SNTG1: variants seen among roughly 807,000 people sequenced by gnomAD.
The protein encoded by SNTG1 is syntrophin gamma 1, also known as gamma-1-syntrophin.
Under a neutral mutation model 74.7 loss-of-function variants are expected in SNTG1, and 39 were observed. The observed-to-expected ratio is 0.52, with a 90% CI of 0.40 to 0.68. SNTG1 has a LOEUF of 0.68. SNTG1 is among the 30% of genes least tolerant of loss of function. The pLI, the probability that SNTG1 is intolerant of heterozygous loss-of-function variation, is 0.00. For synonymous variants in SNTG1, 254 were observed against 217.1 expected (o/e 1.17, Z -1.49); for missense variants, 685 against 609.5 (o/e 1.12, Z -1.30).
At chr8:50,167,218 C>T (rs932183660) in intron 1 of SNTG1, among the ~76,000 whole-genome samples, 4 of 141,374 alleles carry the variant, frequency 2.8e-5, no homozygotes, top group Non-Finnish European at 6.0e-5. Context: ...CACATGTATA[C>T]ATATGTAACT....
In SNTG1 at chr8:50,227,103, G is replaced by A. The variant is rs1055262632; in HGVS notation, c.-28+54468G>A. 3.9e-5 allele frequency among the ~76,000 whole-genome samples: 6 copies of A among 152,128 alleles called. No individual in the cohort carries two copies. In the East Asian group the frequency reaches 5.8e-4, roughly 15 times the overall value. ...ATTTTTTTTGTACTTACCAATAACC[G>A]AAGCTGCCAGTTTTATCATCAATAT... On this transcript the variant is annotated intron_variant, in intron 2 of 18. Transcript: ENST00000642720.
chr8:50,126,511 A>C (rs2081143899), intron 1 of SNTG1, among the ~76,000 whole-genome samples: 1 of 152,116 alleles, frequency 6.6e-6, no homozygotes, highest in East Asian at 1.9e-4. Flanking sequence ...GATGAAAAAA[A>C]GATATGCATA....
Position 50,421,157 on chromosome 8 carries a change from A to T in SNTG1, c.163-17386A>T, listed in dbSNP as rs191069405. ...TGTTACCAGAAAAGGGTACCAATCC[A>T]TACCCCAAGAGAGGGCTCTTAGATC... On this transcript the variant is annotated intron_variant, in intron 4 of 18. Coordinates refer to ENST00000642720, the MANE Select transcript of SNTG1 (RefSeq NM_018967.5). Among the ~76,000 whole-genome samples the T allele has an allele frequency of 1.7e-3, 255 of 151,702 alleles. 2 individuals carry two copies. The highest frequency in any genetic ancestry group is 1.9e-3 in the Non-Finnish European group (130 of 67,906).
intron 1 of SNTG1, among the ~76,000 whole-genome samples, chr8:50,134,164 C>G (rs2081399901): frequency 6.6e-6 from 1 of 152,120 alleles, no homozygotes. Context: ...GGGTTAATAT[C>G]AGTGTTGCTG....
intron 18 of SNTG1, among the ~76,000 whole-genome samples, chr8:50,758,837 C>G (rs549315541): frequency 5.3e-5 from 8 of 152,060 alleles, no homozygotes; most frequent in Non-Finnish European, 8.8e-5. Context: ...GGTATATACT[C>G]AATAATGGGA....
chr8:50,513,332 G>A lies in SNTG1; in HGVS notation c.466+10452G>A, dbSNP rs1368717539. Among the ~76,000 whole-genome samples, 4 of 152,198 alleles carry A rather than the reference G, an allele frequency of 2.6e-5. No individual in the cohort carries two copies. The East Asian group carries it at 7.7e-4, about 29-fold the overall frequency. ...GAGGTGTCAGTCTGCCCCTACTGGG[G>A]GGTGCCTCTCAGTTAGGCTACTCGG... On this transcript the variant is annotated intron_variant, in intron 9 of 18. Transcript: ENST00000642720.
At chr8:50,340,709 A>G (rs1402521640) in intron 2 of SNTG1, among the ~76,000 whole-genome samples, 1 of 151,934 alleles carries the variant, frequency 6.6e-6, no homozygotes, top group African/African-American at 2.4e-5. Context: ...TCTATGAAAG[A>G]AAGAAGAAAA....
At chr8:50,372,525 A>C (rs2092292918) in intron 2 of SNTG1, among the ~76,000 whole-genome samples, 1 of 152,118 alleles carries the variant, frequency 6.6e-6, no homozygotes. Context: ...AAAATGGGCA[A>C]ATATGCATTT....
At chr8:50,698,479 G>A (rs530059798) in intron 15 of SNTG1, among the ~76,000 whole-genome samples, 9 of 152,094 alleles carry the variant, frequency 5.9e-5, no homozygotes, top group Non-Finnish European at 1.2e-4. Flanking sequence ...ACTGGTGGGG[G>A]AAGGGGGTGA....
intron 15 of SNTG1, among the ~76,000 whole-genome samples, chr8:50,671,430 GAC>G (rs2095281946): frequency 6.7e-6 from 1 of 150,108 alleles, no homozygotes; most frequent in Non-Finnish European, 1.5e-5. Flanking sequence ...GCAGCCAAAA[GAC>G]ACATAAAAAA....
At chr8:49,916,403 G>C (rs149132542) in intron 1 of SNTG1, among the ~76,000 whole-genome samples, 2,093 of 152,062 alleles carry the variant, frequency 0.014, 51 homozygotes, top group African/African-American at 0.046. Context: ...TCTTCAATTT[G>C]TCAGCAAAGA....
At chr8:50,092,463 CG>C (rs771017929) in intron 1 of SNTG1, among the ~76,000 whole-genome samples, 6 of 152,068 alleles carry the variant, frequency 3.9e-5, no homozygotes, top group Non-Finnish European at 4.4e-5. Flanking sequence ...CCTGACTGAC[CG>C]GCAGGAATGA....
chr8:50,304,960 T>G (rs2089819183), intron 2 of SNTG1, among the ~76,000 whole-genome samples: 1 of 152,096 alleles, frequency 6.6e-6, no homozygotes, highest in African/African-American at 2.4e-5. Context: ...TGGAGTGCAA[T>G]GGCATGATCT....
chr8:50,152,398 C>A (rs954503932), intron 1 of SNTG1, among the ~76,000 whole-genome samples: 1 of 152,094 alleles, frequency 6.6e-6, no homozygotes, highest in African/African-American at 2.4e-5. Context: ...TAGCATTTAG[C>A]CCATTTACAT....
At chr8:50,426,254 G>A (rs2093161987) in intron 4 of SNTG1, among the ~76,000 whole-genome samples, 1 of 152,066 alleles carries the variant, frequency 6.6e-6, no homozygotes, top group African/African-American at 2.4e-5. Context: ...TCTTGTCTGT[G>A]ACACTGTATA....
chr8:50,692,654 A>C (rs2095386601), intron 15 of SNTG1, among the ~76,000 whole-genome samples: 1 of 152,166 alleles, frequency 6.6e-6, no homozygotes, highest in Non-Finnish European at 1.5e-5. Flanking sequence ...GTATCGGTCC[A>C]ACCCTACTGG....
chr8:50,550,556 C>T (rs978968442), intron 11 of SNTG1, among the ~76,000 whole-genome samples: 5 of 152,134 alleles, frequency 3.3e-5, no homozygotes, highest in African/African-American at 1.2e-4. Context: ...GATTGAGCAA[C>T]ATTTAAAAAT....
Position 50,163,130 on chromosome 8 carries a change from G to A in SNTG1, c.-102-9431G>A, listed in dbSNP as rs570965355. ...GAGAGGCCTCTCCCTTCACCCTCCA[G>A]GGAGGCCCTTTCTGGTCTCTCTGTA... On this transcript the variant is annotated intron_variant, in intron 1 of 18. Coordinates refer to ENST00000642720, the MANE Select transcript of SNTG1 (RefSeq NM_018967.5). 3.3e-5 allele frequency among the ~76,000 whole-genome samples: 5 copies of A among 152,238 alleles called. No individual in the cohort carries two copies. In the South Asian group the frequency reaches 8.3e-4, roughly 25 times the overall value.
chr8:50,465,522 C>T (rs2093602128), intron 8 of SNTG1, among the ~76,000 whole-genome samples: 1 of 152,168 alleles, frequency 6.6e-6, no homozygotes, highest in Admixed American at 6.5e-5. Context: ...GACACCTGCA[C>T]AGTATCATGT....
Sources: gnomAD v4.1 joint callset for allele counts (sites outside exome capture counted in the v4.1 genomes callset) on GRCh38, gnomAD v4.1.1 for gene constraint, MANE v1.5 for transcripts, NCBI Gene and HGNC (gene_info 2026-07-23, HGNC 2026-07-21) for gene names.